ANK2: variants seen among roughly 807,000 people sequenced by gnomAD.
ANK2 encodes ankyrin-2.
Under a neutral mutation model 360.5 loss-of-function variants are expected in ANK2, and 83 were observed. The observed-to-expected ratio is 0.23, with a 90% confidence interval of 0.19 to 0.28. ANK2 has a LOEUF of 0.28. Ranked by LOEUF, ANK2 falls within the 10% of genes least tolerant of loss-of-function variation. The pLI is 1.00. For missense variants in ANK2, 4,201 were observed against 4,795.7 expected (o/e 0.88, Z 3.66); for synonymous variants, 1,740 against 1,759.5 (o/e 0.99, Z 0.28).
At chr4:112,973,457 C>A (rs571909199) in intron 2 of ANK2, among the ~76,000 whole-genome samples, 3 of 152,178 alleles carry the variant, frequency 2.0e-5, no homozygotes, top group Admixed American at 6.5e-5. Context: ...GAGCTTCTGA[C>A]TAGTTCAGCG....
chr4:113,129,805 C>T (rs1040471767), intron 1 of ANK2, among the ~76,000 whole-genome samples: 1 of 152,056 alleles, frequency 6.6e-6, no homozygotes, highest in African/African-American at 2.4e-5. Flanking sequence ...CTTGATTCCT[C>T]TTTGAGTAAA....
the ANK2 span, chr4:112,797,757 GA>G: frequency 1.8e-5 from 3 of 167,570 alleles, no homozygotes; most frequent in Admixed American, 1.8e-4. Context: ...ACAACTTCAA[GA>G]TTGTATTTCA....
intron 1 of ANK2, among the ~76,000 whole-genome samples, chr4:112,863,574 G>C (rs981654799): frequency 7.2e-6 from 1 of 139,674 alleles, no homozygotes; most frequent in African/African-American, 2.7e-5. Context: ...CCAGGCTGGA[G>C]TGCAGTGGCG....
intron 1 of ANK2, among the ~76,000 whole-genome samples, chr4:113,077,051 G>C (rs1206404996): frequency 6.6e-6 from 1 of 151,838 alleles, no homozygotes; most frequent in Non-Finnish European, 1.5e-5. Context: ...GAAGGAACAT[G>C]AATAACAACT....
At chr4:112,947,797 C>T (rs2094640788) in intron 2 of ANK2, among the ~76,000 whole-genome samples, 1 of 152,178 alleles carries the variant, frequency 6.6e-6, no homozygotes, top group South Asian at 2.1e-4. Flanking sequence ...AACATCTAGA[C>T]CTAAGCATGC....
At chr4:112,728,190 G>T in the ANK2 span, among the ~76,000 whole-genome samples, 3 of 149,504 alleles carry the variant, frequency 2.0e-5, no homozygotes, top group African/African-American at 7.4e-5. Context: ...CTGCTCGGGA[G>T]GCTGAGGCAG....
chr4:113,321,273 A>G (rs2086097858), intron 26 of ANK2, among the ~76,000 whole-genome samples: 1 of 147,230 alleles, frequency 6.8e-6, no homozygotes, highest in South Asian at 2.1e-4. Context: ...GATTATAGCT[A>G]TTAGTATTTG....
At chr4:113,125,084 A>G (rs1341418190) in intron 1 of ANK2, among the ~76,000 whole-genome samples, 5 of 152,188 alleles carry the variant, frequency 3.3e-5, no homozygotes, top group South Asian at 2.1e-4. Flanking sequence ...GGCTTTTTAT[A>G]TATTTTTGCA....
chr4:113,196,337 T>A, intron 2 of ANK2, 31 bp from the exon 3 acceptor site: 1 of 1,579,740 alleles, frequency 6.3e-7, no homozygotes, highest in Non-Finnish European at 8.7e-7. Flanking sequence ...ATTACTTCAC[T>A]TCTTAAAGCC....
chr4:112,818,502 T>C (rs1358364787), intron 1 of ANK2, among the ~76,000 whole-genome samples: 1 of 152,224 alleles, frequency 6.6e-6, no homozygotes, highest in East Asian at 1.9e-4. Context: ...TTTCTCTTTC[T>C]GTAATCGTAG....
chr4:112,909,725 C>T (rs561448014), intron 2 of ANK2, among the ~76,000 whole-genome samples: 3 of 152,252 alleles, frequency 2.0e-5, no homozygotes, highest in Non-Finnish European at 4.4e-5. Flanking sequence ...GTTTCTGTAC[C>T]CTACCTGGAA....
chr4:113,328,985 T>C (rs543195957), intron 26 of ANK2, among the ~76,000 whole-genome samples: 3 of 151,304 alleles, frequency 2.0e-5, no homozygotes, highest in African/African-American at 7.4e-5. Flanking sequence ...ACAAATCCAG[T>C]TGGTTCTGTG....
rs547923366 is a variant in ANK2 at position 113,022,540 on chromosome 4, T to C, written c.21+118026T>C. On this transcript the variant is annotated intron_variant, in intron 2 of 30. Coordinates refer to the ANK2 transcript ENST00000503271. ...TCATTGCCTGCCACTAGACACTGAG[T>C]GTACATGGAATTTTAGGGTATCGTT... Among the ~76,000 whole-genome samples the C allele has an allele frequency of 1.4e-3, 214 of 152,264 alleles. 2 individuals carry two copies. Among genetic ancestry groups the C allele is most frequent in the Admixed American group, 3.0e-3 (46 of 15,292 alleles).
chr4:112,955,728 T>C (rs915069935), intron 2 of ANK2, among the ~76,000 whole-genome samples: 5 of 152,192 alleles, frequency 3.3e-5, no homozygotes, highest in African/African-American at 1.2e-4. Context: ...GTTATGCATA[T>C]AATTACCAAT....
At chr4:112,733,351 A>G in the ANK2 span, among the ~76,000 whole-genome samples, 10 of 152,298 alleles carry the variant, frequency 6.6e-5, no homozygotes, top group East Asian at 3.9e-4. Context: ...GTAAAATCCT[A>G]GTTTAACCAA....
At chr4:112,727,169 G>A in the ANK2 span, among the ~76,000 whole-genome samples, 1 of 151,938 alleles carries the variant, frequency 6.6e-6, no homozygotes, top group African/African-American at 2.4e-5. Flanking sequence ...TTAAATGTGT[G>A]ATATTGGAGA....
intron 1 of ANK2, among the ~76,000 whole-genome samples, chr4:113,169,399 C>T (rs576993866): frequency 1.3e-5 from 2 of 152,242 alleles, no homozygotes; most frequent in South Asian, 4.1e-4. Flanking sequence ...AGTTACTTTA[C>T]TAGGTTTTAT....
At chr4:113,293,161 A>G in intron 21 of ANK2, 1 of 551,858 alleles carries the variant, frequency 1.8e-6, no homozygotes, top group South Asian at 1.6e-5. Context: ...CAGTATTTGT[A>G]GAAGATATTT....
chr4:112,881,269 C>G (rs973323362), intron 1 of ANK2, among the ~76,000 whole-genome samples: 3 of 152,118 alleles, frequency 2.0e-5, no homozygotes, highest in Admixed American at 6.5e-5. Flanking sequence ...AAAACCCCGT[C>G]TCTACCAAAA....
Sources: gnomAD v4.1 joint callset for allele counts (sites outside exome capture counted in the v4.1 genomes callset) on GRCh38, gnomAD v4.1.1 for gene constraint, MANE v1.5 for transcripts, NCBI Gene and HGNC (gene_info 2026-07-23, HGNC 2026-07-21) for gene names.